COQ7: variants seen among roughly 807,000 people sequenced by gnomAD.
COQ7 encodes the protein NADPH-dependent 3-demethoxyubiquinone 3-hydroxylase, mitochondrial.
COQ7 carries 21 observed loss-of-function variants against 25.0 expected under a neutral mutation model. The ratio of observed to expected loss-of-function variants is 0.84; its 90% CI spans 0.60 to 1.21. The LOEUF is 1.21. Ranked by LOEUF, COQ7 falls within the 50% of genes most tolerant of loss-of-function variation. COQ7 has a pLI of 0.00. For synonymous variants in COQ7, 125 were observed against 112.4 expected (o/e 1.11, Z -0.71); for missense variants, 311 against 296.2 (o/e 1.05, Z -0.37).
rs535185385 is a variant in COQ7 at position 19,070,148 on chromosome 16, A to G, written c.74-1780A>G. Among the ~76,000 whole-genome samples the G allele has an allele frequency of 1.6e-4, 25 of 152,242 alleles. 1 individual carries two copies. The East Asian group carries it at 4.6e-3, about 28-fold the overall frequency. ...GAGGATCATGGCGAGGAGTAGACCA[A>G]AGCTGGGTCACTATGCTTCAGAACT... On this transcript the variant is annotated intron_variant, in intron 1 of 5. Transcript: ENST00000321998.
intron 1 of COQ7, among the ~76,000 whole-genome samples, chr16:19,071,212 G>T (rs1355161945): frequency 6.6e-6 from 1 of 152,052 alleles, no homozygotes; most frequent in African/African-American, 2.4e-5. Context: ...CTTGGCTCAC[G>T]GCAATCTCTG....
rs1229231214 is a variant in COQ7, at chr16:19,079,695, A to G, written c.*1537A>G. On this transcript the variant is annotated 3_prime_UTR_variant, in exon 6 of 6. Coordinates refer to ENST00000321998, the MANE Select transcript of COQ7 (RefSeq NM_016138.5). ...AGATTATAAGATGCTTCTGGGAAAG[A>G]ACCACATTTTAGGAATTTGCTTCCC... The G allele has an allele frequency of 6.6e-6, 1 of 152,188 alleles. No homozygotes were observed. Among genetic ancestry groups the G allele is most frequent in the African/African-American group, 2.4e-5 (1 of 41,438 alleles). 9.4% of individuals were successfully genotyped at this position (152,188 alleles called of 1,614,324 possible).
At chr16:19,073,325 C>CAAAACCG (rs1555522096) in intron 2 of COQ7, among the ~76,000 whole-genome samples, 9 of 123,418 alleles carry the variant, frequency 7.3e-5, no homozygotes, top group African/African-American at 2.3e-4. Context: ...ACAAAAAAAA[C>CAAAACCG]CGCACACACA....
intron 2 of COQ7, 114 bp from the exon 3 acceptor site, chr16:19,073,807 G>A: frequency 1.4e-6 from 1 of 690,168 alleles, no homozygotes. Context: ...GGGAATGGGG[G>A]AGACAGCAGT....
intron 3 of COQ7, 52 bp from the exon 4 acceptor site, chr16:19,075,669 T>A (rs1300069674): frequency 1.3e-6 from 2 of 1,519,442 alleles, no homozygotes; most frequent in African/African-American, 2.8e-5. Context: ...ATGGTCTCCA[T>A]TACCGGTCAT....
intron 1 of COQ7, among the ~76,000 whole-genome samples, chr16:19,069,933 G>A (rs1170559644): frequency 6.6e-6 from 1 of 151,802 alleles, no homozygotes; most frequent in Non-Finnish European, 1.5e-5. Context: ...ACAGGCACGT[G>A]CCACGATGCC....
intron 2 of COQ7, among the ~76,000 whole-genome samples, chr16:19,073,316 C>CA (rs60264999): frequency 2.8e-4 from 41 of 147,024 alleles, no homozygotes; most frequent in African/African-American, 7.4e-4. Flanking sequence ...CTCAAAAAAA[C>CA]AAAAAAAACC....
intron 2 of COQ7, among the ~76,000 whole-genome samples, chr16:19,073,637 T>C (rs945959695): frequency 6.6e-6 from 1 of 152,232 alleles, no homozygotes; most frequent in African/African-American, 2.4e-5. Flanking sequence ...TGTCATTTAC[T>C]GGGCACATTG....
chr16:19,076,508 G>T (rs954315908), intron 4 of COQ7, among the ~76,000 whole-genome samples: 4 of 150,864 alleles, frequency 2.7e-5, no homozygotes, highest in African/African-American at 9.7e-5. Flanking sequence ...GAGCTCCTGG[G>T]CTCAAGTGAT....
At chr16:19,071,783 G>A (rs551145068) in intron 1 of COQ7, 145 bp from the exon 2 acceptor site, 2 of 794,344 alleles carry the variant, frequency 2.5e-6, no homozygotes, top group Non-Finnish European at 4.1e-6. Context: ...TAACACTGTA[G>A]GTTAAACAGA....
rs1187952287 is a variant in COQ7 at position 19,078,411 on chromosome 16, ATACT to A, written c.*256_*259del. The stretch of plus-strand genomic sequence containing the variant: ...ACGAAGCTGGGCCTTGTTTGGTCTC[ATACT>A]TAATTTTCTTTTATATACATGTTTT... On this transcript the variant is annotated 3_prime_UTR_variant, in exon 6 of 6. Transcript: ENST00000321998. The A allele has an allele frequency of 7.0e-6, 2 of 286,896 alleles. No individual in the cohort carries two copies. The highest frequency in any genetic ancestry group is 1.3e-5 in the Non-Finnish European group (2 of 157,028). 17.8% of individuals were successfully genotyped at this position (286,896 alleles called of 1,614,324 possible).
At chr16:19,068,317 C>T (rs1962349140) in intron 1 of COQ7, 1 of 989,880 alleles carries the variant, frequency 1.0e-6, no homozygotes, top group Non-Finnish European at 1.2e-6. Context: ...GGTTTTGGAC[C>T]CTGGTTCCTG....
chr16:19,073,882 T>C, intron 2 of COQ7, 39 bp from the exon 3 acceptor site: 1 of 1,518,198 alleles, frequency 6.6e-7, no homozygotes, highest in Non-Finnish European at 9.1e-7. Context: ...GAGGCCTCTA[T>C]GGAATGCTTG....
intron 1 of COQ7, 45 bp from the exon 2 acceptor site, chr16:19,071,874 AGGAACATCT>A (rs1962573929): frequency 6.2e-7 from 1 of 1,602,308 alleles, no homozygotes; most frequent in South Asian, 1.1e-5. Flanking sequence ...TGTCTGTAAA[AGGAACATCT>A]GGATTTTACC....
intron 1 of COQ7, chr16:19,071,666 G>A: frequency 4.3e-6 from 2 of 465,848 alleles, no homozygotes; most frequent in Middle Eastern, 6.1e-4. Context: ...ATCTAGAAGC[G>A]GTTGCCATGT....
intron 1 of COQ7, 77 bp downstream of exon 1, chr16:19,067,814 G>A: frequency 1.3e-6 from 2 of 1,556,868 alleles, no homozygotes; most frequent in Admixed American, 4.1e-5. Flanking sequence ...TTGGGTCGAA[G>A]AGGTCACGGG....
chr16:19,075,216 T>TC (rs1567541719), intron 3 of COQ7, among the ~76,000 whole-genome samples: 1 of 149,176 alleles, frequency 6.7e-6, no homozygotes, highest in South Asian at 2.1e-4. Flanking sequence ...TTTTTTTTTT[T>TC]TTTTGAGATG....
intron 2 of COQ7, 33 bp from the exon 3 acceptor site, chr16:19,073,888 G>A (rs1446780477): frequency 1.3e-6 from 2 of 1,548,046 alleles, no homozygotes; most frequent in Admixed American, 1.7e-5. Context: ...TCTATGGAAT[G>A]CTTGCATGTC....
In COQ7 at chr16:19,078,124, G is replaced by A; in HGVS notation, c.620G>A (p.Cys207Tyr). The change falls in exon 6 of 6, where the codon TGC becomes TAC. Residue 207 changes from cysteine (C) to tyrosine (Y), a missense_variant. Transcript: ENST00000321998. The stretch of plus-strand genomic sequence containing the variant: ...CTGAAGAGCATTATCCAGGCCGGAT[G>A]CAGAGTGGCGATATATTTATCAGAA... The part of the protein sequence containing the change: ...AVLKSIIQAG[C>Y]RVAIYLSERL The A allele has an allele frequency of 6.2e-7, 1 of 1,612,078 alleles. No homozygotes were observed. The highest frequency in any genetic ancestry group is 8.5e-7 in the Non-Finnish European group (1 of 1,179,128).
Sources: gnomAD v4.1 joint callset for allele counts (sites outside exome capture counted in the v4.1 genomes callset) on GRCh38, gnomAD v4.1.1 for gene constraint, MANE v1.5 for transcripts, NCBI Gene and HGNC (gene_info 2026-07-23, HGNC 2026-07-21) for gene names.